OTOG: variants seen among roughly 807,000 people sequenced by gnomAD.
OTOG encodes the protein otogelin.
Under a neutral mutation model 313.8 loss-of-function variants are expected in OTOG, and 296 were observed. The ratio of observed to expected loss-of-function variants is 0.94; its 90% confidence interval spans 0.86 to 1.04. The LOEUF (loss-of-function observed/expected upper bound fraction) is 1.04. Ranked by LOEUF, OTOG falls within the 50% of genes least tolerant of loss-of-function variation. The probability of loss-of-function intolerance (pLI) is 0.00; values close to 1 mark genes in which losing one functional copy is unlikely to be tolerated. For missense variants in OTOG, 3,948 were observed against 3,840.1 expected (o/e 1.03, Z -0.74); for synonymous variants, 1,533 against 1,554.9 (o/e 0.99, Z 0.33).
intron 46 of OTOG, 78 bp downstream of exon 46, chr11:17,635,265 C>T: frequency 8.2e-7 from 1 of 1,217,822 alleles, no homozygotes; most frequent in African/African-American, 1.5e-5. Context: ...CCTTGGGCAG[C>T]TGGGAGGAAA....
At chr11:17,593,380 T>C (rs1852998708) in intron 26 of OTOG, 53 bp downstream of exon 26, 1 of 1,542,640 alleles carries the variant, frequency 6.5e-7, no homozygotes, top group Non-Finnish European at 8.8e-7. Context: ...GTTACCAGGG[T>C]TGGGGCAGAA....
At chr11:17,633,601 C>T (rs1187626818) in intron 42 of OTOG, 79 bp from the exon 43 acceptor site, 2 of 1,333,796 alleles carry the variant, frequency 1.5e-6, no homozygotes, top group African/African-American at 1.5e-5. Flanking sequence ...TCTCCTCATC[C>T]CCTCCTGTTC....
At chr11:17,635,820 G>A (rs986335842) in intron 47 of OTOG, 109 bp downstream of exon 47, 2 of 887,156 alleles carry the variant, frequency 2.3e-6, no homozygotes, top group East Asian at 2.7e-5. Context: ...GCCCCCAGGT[G>A]GTGAGCTCTG....
At chr11:17,562,859 G>A (rs1450539195) in intron 15 of OTOG, among the ~76,000 whole-genome samples, 1 of 152,092 alleles carries the variant, frequency 6.6e-6, no homozygotes, top group East Asian at 1.9e-4. Flanking sequence ...TGTGCCAGAG[G>A]CTGAGCTGGG....
At chr11:17,616,922 T>C (rs573895915) in intron 39 of OTOG, among the ~76,000 whole-genome samples, 2 of 152,364 alleles carry the variant, frequency 1.3e-5, no homozygotes, top group East Asian at 1.9e-4. Context: ...AGAGCAATCA[T>C]CCTTGTCTGA....
chr11:17,558,506 C>T (rs1307724161), intron 9 of OTOG, 32 bp from the exon 10 acceptor site: 2 of 1,548,388 alleles, frequency 1.3e-6, no homozygotes, highest in South Asian at 1.2e-5. Context: ...CTTTGCCAGC[C>T]CCTAGCCCTG....
At chr11:17,621,230 G>A (rs1482950522) in intron 39 of OTOG, among the ~76,000 whole-genome samples, 1 of 152,050 alleles carries the variant, frequency 6.6e-6, no homozygotes, top group East Asian at 1.9e-4. Flanking sequence ...ATATTCTTGA[G>A]CTTTGTAGTA....
chr11:17,633,205 C>A (rs1854173993), intron 42 of OTOG, among the ~76,000 whole-genome samples: 1 of 152,220 alleles, frequency 6.6e-6, no homozygotes, highest in Non-Finnish European at 1.5e-5. Flanking sequence ...GTTTGAGGAC[C>A]ACTGTTCTAC....
At chr11:17,642,013 G>GC in intron 52 of OTOG, 62 bp downstream of exon 52, 3 of 1,530,278 alleles carry the variant, frequency 2.0e-6, no homozygotes, top group East Asian at 2.5e-5. Context: ...CAGGACTAGG[G>GC]CCCTCTCTGG....
chr11:17,588,181 G>A (rs962633992), intron 24 of OTOG, among the ~76,000 whole-genome samples: 29 of 152,194 alleles, frequency 1.9e-4, no homozygotes, highest in African/African-American at 7.0e-4. Context: ...CTAGGAGATA[G>A]ATGGGCAAGT....
At chr11:17,549,150 TTCTAA>T (rs1472707460) in intron 3 of OTOG, among the ~76,000 whole-genome samples, 1 of 152,194 alleles carries the variant, frequency 6.6e-6, no homozygotes, top group East Asian at 1.9e-4. Flanking sequence ...CAGGTCTACT[TTCTAA>T]TCCTGGCCCG....
At chr11:17,594,764 T>C (rs1853050572) in intron 28 of OTOG, among the ~76,000 whole-genome samples, 1 of 152,196 alleles carries the variant, frequency 6.6e-6, no homozygotes, top group Non-Finnish European at 1.5e-5. Flanking sequence ...ACCTGGGTTC[T>C]TGTCTTGGGT....
intron 15 of OTOG, among the ~76,000 whole-genome samples, chr11:17,567,968 C>T (rs1260851495): frequency 2.0e-5 from 3 of 151,898 alleles, no homozygotes; most frequent in African/African-American, 4.8e-5. Context: ...AGTGCAGTGG[C>T]GAGATCTCGG....
chr11:17,597,771 G>A (rs1464791011), intron 30 of OTOG, among the ~76,000 whole-genome samples: 1 of 152,146 alleles, frequency 6.6e-6, no homozygotes, highest in African/African-American at 2.4e-5. Context: ...CCTCGTGCAA[G>A]CACCTCACCT....
chr11:17,571,993 C>T (rs1852414560), intron 17 of OTOG, 87 bp from the exon 18 acceptor site: 2 of 1,507,338 alleles, frequency 1.3e-6, no homozygotes, highest in Non-Finnish European at 9.0e-7. Flanking sequence ...TGTATATGAG[C>T]AAGTAGGTGT....
intron 49 of OTOG, among the ~76,000 whole-genome samples, chr11:17,640,303 C>T (rs1484032876): frequency 7.9e-5 from 12 of 152,174 alleles, no homozygotes; most frequent in Non-Finnish European, 8.8e-5. Context: ...GGAAATCTGT[C>T]TCCAGAGATC....
intron 23 of OTOG, among the ~76,000 whole-genome samples, chr11:17,578,908 C>T (rs1167040495): frequency 2.6e-5 from 4 of 152,186 alleles, no homozygotes; most frequent in East Asian, 3.9e-4. Context: ...CAGCTCTCAA[C>T]CTCTTCCTCT....
rs1244354207 is a variant in OTOG at position 17,628,597 on chromosome 11, C to G, written c.6529-536C>G. Among the ~76,000 whole-genome samples the G allele has an allele frequency of 2.2e-4, 34 of 152,134 alleles. 1 individual carries two copies. Among genetic ancestry groups the G allele is most frequent in the Admixed American group, 2.2e-3 (34 of 15,272 alleles). ...GGCTCAAAGGCAGGTGTTGGGGATT[C>G]AAAGGTAAATCAGGCATAGTATCTG... On this transcript the variant is annotated intron_variant, in intron 39 of 55. Coordinates refer to ENST00000399397, the MANE Select transcript of OTOG (RefSeq NM_001292063.2).
intron 15 of OTOG, among the ~76,000 whole-genome samples, chr11:17,568,876 C>T (rs1175142049): frequency 1.3e-5 from 2 of 152,202 alleles, no homozygotes; most frequent in East Asian, 1.9e-4. Flanking sequence ...CATCTGGGTT[C>T]CATCTCTGCT....
Sources: allele counts gnomAD v4.1 joint callset (sites outside exome capture counted in the v4.1 genomes callset), GRCh38; gene constraint gnomAD v4.1.1; transcripts MANE v1.5; gene names NCBI Gene and HGNC (gene_info 2026-07-23, HGNC 2026-07-21).